MAP1LC3B: variants seen among roughly 807,000 people sequenced by gnomAD.
The protein encoded by MAP1LC3B is microtubule-associated protein 1 light chain 3 beta.
In MAP1LC3B, 12 loss-of-function variants were observed where a neutral mutation model predicts 16.7. The observed-to-expected ratio is 0.72, with a 90% CI of 0.46 to 1.16. The LOEUF (loss-of-function observed/expected upper bound fraction) is 1.16. Ranked by LOEUF, MAP1LC3B falls within the 50% of genes most tolerant of loss-of-function variation. The probability of loss-of-function intolerance (pLI) is 0.00; values close to 1 mark genes in which losing one functional copy is unlikely to be tolerated. For synonymous variants in MAP1LC3B, 63 were observed against 56.5 expected (o/e 1.11, Z -0.51); for missense variants, 155 against 159.5 (o/e 0.97, Z 0.15).
chr16:87,400,854 G>A (rs893395214), intron 2 of MAP1LC3B, among the ~76,000 whole-genome samples: 4 of 152,022 alleles, frequency 2.6e-5, no homozygotes, highest in African/African-American at 9.7e-5. Flanking sequence ...AACTTCAGCT[G>A]GCCGGACGCG....
Position 87,404,527 on chromosome 16 carries a change from A to T in MAP1LC3B, c.*1430A>T, listed in dbSNP as rs1257773663. The T allele has an allele frequency of 6.6e-6, 1 of 152,116 alleles. No individual in the cohort carries two copies. The highest frequency in any genetic ancestry group is 1.5e-5 in the Non-Finnish European group (1 of 68,024). The allele number at this position is 152,116 out of a possible 1,614,324, so 9.4% of individuals were successfully genotyped here. On this transcript the variant is annotated 3_prime_UTR_variant, in exon 4 of 4. Transcript: ENST00000268607. ...CGTCTGTCCACTTGGCTAACTTTTA[A>T]TATGTGTATTTTTACATTATGTATA...
chr16:87,398,730 T>C (rs552047681), intron 1 of MAP1LC3B, 85 bp from the exon 2 acceptor site: 2 of 1,218,168 alleles, frequency 1.6e-6, no homozygotes, highest in Non-Finnish European at 2.4e-6. Context: ...AGCTAGCAGC[T>C]GAACTTGGAT....
At position 87,403,405 on chromosome 16, in the gene MAP1LC3B, G is replaced by A. The variant is rs572744333; in HGVS notation, c.*308G>A. 1.6e-4 allele frequency: 35 copies of A among 225,194 alleles called. No individual in the cohort carries two copies. The highest frequency in any genetic ancestry group is 3.2e-4 in the Non-Finnish European group (33 of 104,300). The allele number at this position is 225,194 out of a possible 1,614,324, so 13.9% of individuals were successfully genotyped here. A position where few individuals can be genotyped will look rare whatever the true frequency, so the allele number is the denominator to read the frequency against. ...AAATAGACCTTCAAGTTATTTTAAT[G>A]CTCTTTTCTCACTAATAGGAACTTG... On this transcript the variant is annotated 3_prime_UTR_variant, in exon 4 of 4. Coordinates refer to ENST00000268607, the MANE Select transcript of MAP1LC3B (RefSeq NM_022818.5).
chr16:87,396,102 C>G (rs1907792417), intron 1 of MAP1LC3B, among the ~76,000 whole-genome samples: 1 of 151,200 alleles, frequency 6.6e-6, no homozygotes, highest in African/African-American at 2.4e-5. Context: ...CTCAGGTGAT[C>G]CGCCCGCCTT....
chr16:87,392,347 C>CGCCGCCGCAGCA lies in MAP1LC3B; in HGVS notation c.-72_-61dup. The CGCCGCCGCAGCA allele has an allele frequency of 2.3e-6, 3 of 1,323,524 alleles. No homozygotes were observed. Among genetic ancestry groups the CGCCGCCGCAGCA allele is most frequent in the Non-Finnish European group, 2.9e-6 (3 of 1,030,980 alleles). The allele number at this position is 1,323,524 out of a possible 1,614,324, so 82.0% of individuals were successfully genotyped here. ...AAGTGGCTATCGCCAGAGTCGGATT[C>CGCCGCCGCAGCA]GCCGCCGCAGCAGCCGCCGCCCCCG... On this transcript the variant is annotated 5_prime_UTR_variant, in exon 1 of 4. Coordinates refer to ENST00000268607, the MANE Select transcript of MAP1LC3B (RefSeq NM_022818.5).
At chr16:87,393,832 C>T (rs549657043) in intron 1 of MAP1LC3B, among the ~76,000 whole-genome samples, 2 of 152,332 alleles carry the variant, frequency 1.3e-5, no homozygotes, top group South Asian at 4.1e-4. Flanking sequence ...CCTCGACCTC[C>T]CGGGCTAAAG....
intron 2 of MAP1LC3B, among the ~76,000 whole-genome samples, chr16:87,401,850 T>G (rs1408982193): frequency 2.6e-5 from 4 of 151,274 alleles, no homozygotes; most frequent in Non-Finnish European, 5.9e-5. Context: ...TTTTTTTTTT[T>G]GAGATGGAGT....
intron 2 of MAP1LC3B, chr16:87,399,637 G>A (rs111495966): frequency 2.6e-5 from 12 of 455,488 alleles, no homozygotes; most frequent in South Asian, 6.2e-5. Flanking sequence ...TGTCCGCAGC[G>A]TTCAGTAAAC....
intron 1 of MAP1LC3B, chr16:87,393,012 G>A (rs757121024): frequency 1.3e-5 from 2 of 152,276 alleles, no homozygotes; most frequent in African/African-American, 2.4e-5. Flanking sequence ...CAGTGCCTCG[G>A]TCGAGAGGAG....
rs1908085805 is a variant in MAP1LC3B at position 87,403,978 on chromosome 16, GAC to G, written c.*886_*887del. The G allele has an allele frequency of 6.6e-6, 1 of 152,100 alleles. No individual in the cohort carries two copies. The highest frequency in any genetic ancestry group is 2.1e-4 in the South Asian group (1 of 4,814). The allele number at this position is 152,100 out of a possible 1,614,324, so 9.4% of individuals were successfully genotyped here. ...GTATAACTGAAAACATTAACATTCA[GAC>G]ACACTCCCTTCTGCCTTCCGGCTTA... is the stretch of plus-strand genomic sequence containing the variant. On this transcript the variant is annotated 3_prime_UTR_variant, in exon 4 of 4. Coordinates refer to ENST00000268607, the MANE Select transcript of MAP1LC3B (RefSeq NM_022818.5).
intron 1 of MAP1LC3B, among the ~76,000 whole-genome samples, chr16:87,394,452 G>A (rs1419784202): frequency 6.6e-6 from 1 of 152,190 alleles, no homozygotes; most frequent in East Asian, 1.9e-4. Context: ...CTCTTTCCAA[G>A]TGAGTGAGTT....
In MAP1LC3B at chr16:87,398,795, G is replaced by A. The variant is rs371819109; in HGVS notation, c.41-20G>A. On this transcript the variant is annotated intron_variant, in intron 1 of 3. Coordinates refer to ENST00000268607, the MANE Select transcript of MAP1LC3B (RefSeq NM_022818.5). Reference sequence around the variant, plus strand: ...CTGCCTGGCCCTTAGTAATGCTTCTGTCTCTTCATTTCATTGCAGAACAAA... The same window carrying A: ...CTGCCTGGCCCTTAGTAATGCTTCTATCTCTTCATTTCATTGCAGAACAAA... 6 of 1,613,364 alleles carry A rather than the reference G, an allele frequency of 3.7e-6. No individual in the cohort carries two copies. The African/African-American group carries it at 8.0e-5, about 22-fold the overall frequency.
In MAP1LC3B at chr16:87,392,408, G is replaced by A. The variant is rs1436485006; in HGVS notation, c.-20G>A. The A allele has an allele frequency of 2.8e-6, 4 of 1,423,932 alleles. No individual in the cohort carries two copies. Among genetic ancestry groups the A allele is most frequent in the Admixed American group, 3.2e-5 (1 of 31,380 alleles). 88.2% of individuals were successfully genotyped at this position (1,423,932 alleles called of 1,614,324 possible). ...GGACCCTCGCGTCGTCGCCGCCGCC[G>A]CCGCCCAGATCCCTGCACCATGCCG... On this transcript the variant is annotated 5_prime_UTR_variant, in exon 1 of 4. Coordinates refer to ENST00000268607, the MANE Select transcript of MAP1LC3B (RefSeq NM_022818.5).
intron 2 of MAP1LC3B, chr16:87,399,659 T>G (rs879582365): frequency 6.6e-6 from 3 of 453,734 alleles, no homozygotes; most frequent in Non-Finnish European, 1.3e-5. Context: ...CAGACACTAA[T>G]GAGACTCAGA....
At chr16:87,402,485 A>G in intron 3 of MAP1LC3B, 1 of 590,020 alleles carries the variant, frequency 1.7e-6, no homozygotes, top group Non-Finnish European at 2.9e-6. Context: ...ATTACTTGCT[A>G]GACTGCAGAG....
chr16:87,398,726 C>A, intron 1 of MAP1LC3B, 89 bp from the exon 2 acceptor site: 2 of 1,133,524 alleles, frequency 1.8e-6, no homozygotes, highest in Non-Finnish European at 1.3e-6. Context: ...CCACAGCTAG[C>A]AGCTGAACTT....
rs1349457010 is a variant in MAP1LC3B, at chr16:87,403,361, G to A, written c.*264G>A. Reference sequence around the variant, plus strand: ...TAAAAGTTTAAAAATAAAATACTTTGCATTCTAAGTTGCCAATAAAATAGA... The same window carrying A: ...TAAAAGTTTAAAAATAAAATACTTTACATTCTAAGTTGCCAATAAAATAGA... On this transcript the variant is annotated 3_prime_UTR_variant, in exon 4 of 4. Coordinates refer to ENST00000268607, the MANE Select transcript of MAP1LC3B (RefSeq NM_022818.5). 3.4e-6 allele frequency: 1 copy of A among 291,838 alleles called. No individual in the cohort carries two copies. The highest frequency in any genetic ancestry group is 6.7e-6 in the Non-Finnish European group (1 of 148,566). 18.1% of individuals were successfully genotyped at this position (291,838 alleles called of 1,614,324 possible).
At chr16:87,394,587 G>C (rs1446437901) in intron 1 of MAP1LC3B, among the ~76,000 whole-genome samples, 2 of 152,222 alleles carry the variant, frequency 1.3e-5, no homozygotes, top group African/African-American at 4.8e-5. Flanking sequence ...AAGAAACTGG[G>C]TGGGGCCTGG....
intron 3 of MAP1LC3B, chr16:87,402,503 C>T: frequency 1.7e-6 from 1 of 574,136 alleles, no homozygotes; most frequent in Non-Finnish European, 3.0e-6. Context: ...GAGCCCGTTT[C>T]TTTCATCATA....
Sources: gnomAD v4.1 joint callset for allele counts (sites outside exome capture counted in the v4.1 genomes callset) on GRCh38, gnomAD v4.1.1 for gene constraint, MANE v1.5 for transcripts, NCBI Gene and HGNC (gene_info 2026-07-23, HGNC 2026-07-21) for gene names.